Variants in PTPRN observed in about 807,000 individuals in gnomAD.
PTPRN encodes the protein protein tyrosine phosphatase receptor type N, also known as receptor-type tyrosine-protein phosphatase-like N.
Under a neutral mutation model 108.5 loss-of-function variants are expected in PTPRN, and 70 were observed. The ratio of observed to expected loss-of-function variants is 0.65; its 90% CI spans 0.53 to 0.79. The LOEUF is 0.79. Ranked by LOEUF, PTPRN falls within the 30% of genes least tolerant of loss-of-function variation. The pLI, the probability that PTPRN is intolerant of heterozygous loss-of-function variation, is 0.00. For missense variants in PTPRN, 1,136 were observed against 1,295.5 expected, an observed-to-expected ratio of 0.88 and a Z score of 1.89; for synonymous variants, 496 against 524.6, an observed-to-expected ratio of 0.95 and a Z score of 0.75.
chr2:219,290,127 A>T lies in PTPRN; in HGVS notation c.*99T>A. On this transcript the variant is annotated 3_prime_UTR_variant, in exon 23 of 23. Transcript: ENST00000295718. The surrounding 1 kb of genome is among the most constrained non-coding windows in gnomAD (Gnocchi z 4.2). The stretch of plus-strand genomic sequence containing the variant: ...TTCTAGGAAGGGCTGAGCATGCCCA[A>T]GAGGTGGCTGGTGGGGCAGTGAGGA... 8.7e-7 allele frequency: 1 copy of T among 1,147,492 alleles called. No homozygotes were observed. Among genetic ancestry groups the T allele is most frequent in the Non-Finnish European group, 1.3e-6 (1 of 767,364 alleles). 71.1% of individuals were successfully genotyped at this position (1,147,492 alleles called of 1,614,324 possible).
rs1255173190 is a variant in PTPRN, at chr2:219,308,946, G to A, written c.115+272C>T. On this transcript the variant is annotated intron_variant, in intron 1 of 22. Transcript: ENST00000295718. Reference sequence around the variant, plus strand: ...TCGCAGCCGGTCTCTAAGTCCCTCTGCCCACATGCACCCCGTGTCCTTCTC... The same window carrying A: ...TCGCAGCCGGTCTCTAAGTCCCTCTACCCACATGCACCCCGTGTCCTTCTC... 2.1e-6 allele frequency: 3 copies of A among 1,451,552 alleles called. No individual in the cohort carries two copies. In the East Asian group the frequency reaches 9.3e-5, roughly 45 times the overall value. The allele number at this position is 1,451,552 out of a possible 1,614,324, so 89.9% of individuals were successfully genotyped here. A position where few individuals can be genotyped will look rare whatever the true frequency, so the allele number is the denominator to read the frequency against.
Position 219,290,459 on chromosome 2 carries a change from G to T in PTPRN, c.2868+79C>A. The T allele has an allele frequency of 6.9e-7, 1 of 1,448,510 alleles. No homozygotes were observed. Among genetic ancestry groups the T allele is most frequent in the Non-Finnish European group, 9.5e-7 (1 of 1,055,916 alleles). 89.7% of individuals were successfully genotyped at this position (1,448,510 alleles called of 1,614,324 possible). ...AAGCAGGTGGGAAAGGTTGGCAGCT[G>T]CTGCTTTCCCTGGGGTGGCCAAGAA... On this transcript the variant is annotated intron_variant, in intron 22 of 22. Coordinates refer to ENST00000295718, the MANE Select transcript of PTPRN (RefSeq NM_002846.4). The surrounding 1 kb of genome is among the most constrained non-coding windows in gnomAD (Gnocchi z 4.2).
In PTPRN at chr2:219,307,124, G is replaced by C. The variant is rs530336541; in HGVS notation, c.280+320C>G. The C allele has an allele frequency of 2.1e-5, 5 of 239,666 alleles. No homozygotes were observed. The Admixed American group carries it at 2.6e-4, about 12-fold the overall frequency. 14.8% of individuals were successfully genotyped at this position (239,666 alleles called of 1,614,324 possible). A position where few individuals can be genotyped will look rare whatever the true frequency, so the allele number is the denominator to read the frequency against. The stretch of plus-strand genomic sequence containing the variant: ...ACTTGTTGAATGAGGAATTGGGTGA[G>C]TGGAATATTATCCTGGCTGAGGATT... On this transcript the variant is annotated intron_variant, in intron 3 of 22. Transcript: ENST00000295718.
Position 219,297,827 on chromosome 2 carries a change from C to A in PTPRN, c.1887+58G>T. 1 of 1,525,498 alleles carries A rather than the reference C, an allele frequency of 6.6e-7. No individual in the cohort carries two copies. Among genetic ancestry groups the A allele is most frequent in the Admixed American group, 2.0e-5 (1 of 50,474 alleles). 94.5% of individuals were successfully genotyped at this position (1,525,498 alleles called of 1,614,324 possible). On this transcript the variant is annotated intron_variant, in intron 13 of 22. Coordinates refer to ENST00000295718, the MANE Select transcript of PTPRN (RefSeq NM_002846.4). The surrounding 1 kb of genome is among the most constrained non-coding windows in gnomAD (Gnocchi z 6.0). The stretch of plus-strand genomic sequence containing the variant: ...GTTCCGACCCTTAGTCCACGCAAGA[C>A]CCAGACTCCCAGGCCCCTTGCATTT...
In PTPRN at chr2:219,307,442, A is replaced by C; in HGVS notation, c.280+2T>G. 1 of 1,613,058 alleles carries C rather than the reference A, an allele frequency of 6.2e-7. No homozygotes were observed. On this transcript the variant is annotated splice_donor_variant, in intron 3 of 22. Coordinates refer to ENST00000295718, the MANE Select transcript of PTPRN (RefSeq NM_002846.4). LOFTEE classifies it high-confidence loss of function. ...CTCTCCTCCAGTGCACCCAGACCTT[A>C]CCTTGGGACATGAGTTGTCGGAGCA...
Position 219,296,061 on chromosome 2 carries a change from T to C in PTPRN, c.2508+165A>G. 1.0e-6 allele frequency: 1 copy of C among 954,930 alleles called. No individual in the cohort carries two copies. The highest frequency in any genetic ancestry group is 1.6e-6 in the Non-Finnish European group (1 of 634,512). The allele number at this position is 954,930 out of a possible 1,614,324, so 59.2% of individuals were successfully genotyped here. A position where few individuals can be genotyped will look rare whatever the true frequency, so the allele number is the denominator to read the frequency against. On this transcript the variant is annotated intron_variant, in intron 18 of 22. Coordinates refer to ENST00000295718, the MANE Select transcript of PTPRN (RefSeq NM_002846.4). The surrounding 1 kb of genome is among the most constrained non-coding windows in gnomAD (Gnocchi z 6.0). ...ATATATGTGAATATATGGGTATGCATATATGTGTTTATATATATTCATATA... is the reference window on the plus strand; with the variant it reads ...ATATATGTGAATATATGGGTATGCACATATGTGTTTATATATATTCATATA...
Position 219,299,753 on chromosome 2 carries a change from C to T in PTPRN, c.1470G>A (p.Leu490=), listed in dbSNP as rs1041185715. The part of the protein sequence containing the change: ...PLSLAAGVKL[L]EILAEHVHMS... ...TGTGCACATGCTCAGCCAGGATCTC[C>T]AGCAGCTTCACTCCTGCAGCCAGGC... is the stretch of plus-strand genomic sequence containing the variant. Residue 490 remains leucine, a synonymous_variant, in exon 10 of 23, where the codon CTG becomes CTA. Transcript: ENST00000295718. 1.2e-5 allele frequency: 20 copies of T among 1,610,226 alleles called. No individual in the cohort carries two copies. The highest frequency in any genetic ancestry group is 2.7e-5 in the African/African-American group (2 of 74,880).
Position 219,296,802 on chromosome 2 carries a change from G to A in PTPRN, c.2257C>T (p.Leu753=), listed in dbSNP as rs756170259. ...CGAGAAGGGCTGCTCTCCACCTTCA[G>A]TTTTATGCGGGCATGGTCATCTGCA... is the stretch of plus-strand genomic sequence containing the variant. ...FLPYDHARIK[L]KVESSPSRSD... is the part of the protein sequence containing the mutation. Residue 753 remains leucine, a synonymous_variant, in exon 16 of 23, where the codon CTG becomes TTG. Coordinates refer to ENST00000295718, the MANE Select transcript of PTPRN (RefSeq NM_002846.4). This position sits in a 1 kb window ranked among gnomAD's most constrained non-coding sequence, Gnocchi z 6.0. The A allele has an allele frequency of 1.4e-5, 22 of 1,614,046 alleles. No homozygotes were observed. Among genetic ancestry groups the A allele is most frequent in the Non-Finnish European group, 1.6e-5 (19 of 1,180,004 alleles).
intron 18 of PTPRN, 69 bp from the exon 19 acceptor site, chr2:219,295,210 C>G: frequency 1.3e-6 from 2 of 1,554,162 alleles, no homozygotes; most frequent in Non-Finnish European, 1.7e-6. Flanking sequence ...GCGCTCTCCT[C>G]GCGACCTTCT....
At chr2:219,301,455 T>A (rs1952343942) in intron 7 of PTPRN, 133 bp downstream of exon 7, 2 of 1,297,998 alleles carry the variant, frequency 1.5e-6, no homozygotes, top group Admixed American at 2.2e-5. Context: ...GCAATGACCC[T>A]ATGTCTCAAA....
At chr2:219,294,532 G>A (rs1399725626) in intron 19 of PTPRN, among the ~76,000 whole-genome samples, 1 of 151,754 alleles carries the variant, frequency 6.6e-6, no homozygotes, top group Non-Finnish European at 1.5e-5. Context: ...AGGGATGAAG[G>A]AGGGGAGACG....
Position 219,301,646 on chromosome 2 carries a change from C to A in PTPRN, c.1068G>T (p.Gln356His), listed in dbSNP as rs144535553. 7.1e-5 allele frequency: 115 copies of A among 1,613,604 alleles called. No individual in the cohort carries two copies. In the African/African-American group the frequency reaches 1.2e-3, roughly 17 times the overall value. ...GVELRQLTPE[Q>H]LSTLLTLLQL... ...GCAGCAGGGTCAGGAGTGTGGAGAG[C>A]TGCTCAGGGGTCAGCTGACGCAGCT... The change falls in exon 7 of 23, where the codon CAG becomes CAT. Residue 356 changes from glutamine to histidine, a missense_variant. By Grantham distance (24) the Gln-to-His change is conservative. Transcript: ENST00000295718.
intron 19 of PTPRN, chr2:219,292,648 T>G (rs1952077329): frequency 6.6e-6 from 1 of 152,196 alleles, no homozygotes; most frequent in Non-Finnish European, 1.5e-5. Flanking sequence ...CCTTGCTATG[T>G]ATCAGGCACT....
rs772250189 is a variant in PTPRN at position 219,302,342 on chromosome 2, G to A, written c.789C>T (p.Asp263=). ...FGDHPGHSYG[D]LPGPSPAQLF... Reference sequence around the variant, plus strand: ...GCTGGGCAGGTGAAGGCCCTGGAAGGTCCCCGTAGGAGTGGCCAGGGTGGT... The same window carrying A: ...GCTGGGCAGGTGAAGGCCCTGGAAGATCCCCGTAGGAGTGGCCAGGGTGGT... The change falls in exon 6 of 23, where the codon GAC becomes GAT. Residue 263 remains aspartate (D), a synonymous_variant. Coordinates refer to ENST00000295718, the MANE Select transcript of PTPRN (RefSeq NM_002846.4). 2 of 1,613,656 alleles carry A rather than the reference G, an allele frequency of 1.2e-6. No individual in the cohort carries two copies. Among genetic ancestry groups the A allele is most frequent in the East Asian group, 2.2e-5 (1 of 44,876 alleles).
In PTPRN at chr2:219,295,091, G is replaced by A. The variant is rs1477195616; in HGVS notation, c.2559C>T (p.Ser853=). 1 of 1,613,292 alleles carries A rather than the reference G, an allele frequency of 6.2e-7. No homozygotes were observed. The highest frequency in any genetic ancestry group is 1.1e-5 in the South Asian group (1 of 90,960). The change falls in exon 19 of 23, where the codon AGC becomes AGT. Residue 853 remains serine (S), a synonymous_variant. Coordinates refer to ENST00000295718, the MANE Select transcript of PTPRN (RefSeq NM_002846.4). ...GGGTCTGCACGTTCTTCAGGTAGAAGCTCCGCACCAGAAAGTCCTCGCACC... is the reference window on the plus strand; with the variant it reads ...GGGTCTGCACGTTCTTCAGGTAGAAACTCCGCACCAGAAAGTCCTCGCACC... ...HIWCEDFLVR[S]FYLKNVQTQE... is the part of the protein sequence containing the mutation.
At chr2:219,293,374 T>C (rs1952096663) in intron 19 of PTPRN, among the ~76,000 whole-genome samples, 3 of 152,108 alleles carry the variant, frequency 2.0e-5, no homozygotes, top group Admixed American at 2.0e-4. Flanking sequence ...AGAACAGGGT[T>C]TGACCATGTT....
intron 3 of PTPRN, among the ~76,000 whole-genome samples, chr2:219,304,884 C>G (rs1001000865): frequency 2.4e-4 from 36 of 152,230 alleles, no homozygotes; most frequent in Non-Finnish European, 1.0e-4. Flanking sequence ...CTAGGGATCA[C>G]TCCATATCTT....
chr2:219,296,701 C>T lies in PTPRN; in HGVS notation c.2310+48G>A, dbSNP rs1225469425. On this transcript the variant is annotated intron_variant, in intron 16 of 22. Transcript: ENST00000295718. This position sits in a 1 kb window ranked among gnomAD's most constrained non-coding sequence, Gnocchi z 6.0. ...CACGGGGAAATGGAGTGCATAGGGC[C>T]AGGATAATGATGGGGCAGAGGTGGG... is the stretch of plus-strand genomic sequence containing the variant. 6.2e-7 allele frequency: 1 copy of T among 1,606,146 alleles called. No individual in the cohort carries two copies. Among genetic ancestry groups the T allele is most frequent in the South Asian group, 1.1e-5 (1 of 90,358 alleles).
chr2:219,309,181 G>GCCCCCCCCCCCCCCCC, intron 1 of PTPRN, 37 bp downstream of exon 1: 7 of 628,488 alleles, frequency 1.1e-5, no homozygotes, highest in South Asian at 1.8e-5. Flanking sequence ...GCTGCTCCCC[G>GCCCCCCCCCCCCCCCC]CCCCCCACCA....
Sources: allele counts gnomAD v4.1 joint callset (sites outside exome capture counted in the v4.1 genomes callset), GRCh38; gene constraint gnomAD v4.1.1; non-coding constraint Gnocchi (gnomAD v3.1); transcripts MANE v1.5; gene names NCBI Gene and HGNC (gene_info 2026-07-23, HGNC 2026-07-21).